PDE4B: variants seen among roughly 807,000 people sequenced by gnomAD.
The protein encoded by PDE4B is 3',5'-cyclic-AMP phosphodiesterase 4B.
A neutral mutation model predicts 82.2 loss-of-function variants in PDE4B; 20 were observed. That is an observed-to-expected ratio of 0.24 (90% CI 0.17 to 0.35). The LOEUF is 0.35. PDE4B is among the 10% of genes least tolerant of loss of function. The pLI, the probability that PDE4B is intolerant of heterozygous loss-of-function variation, is 1.00. For synonymous variants in PDE4B, 320 were observed against 318.9 expected, an observed-to-expected ratio of 1.00 and a Z score of -0.04; for missense variants, 655 against 907.2, an observed-to-expected ratio of 0.72 and a Z score of 3.57.
At chr1:66,168,239 G>T (rs1646773477) in intron 3 of PDE4B, among the ~76,000 whole-genome samples, 1 of 152,066 alleles carries the variant, frequency 6.6e-6, no homozygotes, top group South Asian at 2.1e-4. Context: ...TGACAATAAA[G>T]CAGTGAAAAA....
chr1:65,895,337 G>C lies in PDE4B; in HGVS notation c.-70-17908G>C, dbSNP rs147050377. Among the ~76,000 whole-genome samples the C allele has an allele frequency of 2.2e-4, 34 of 152,116 alleles. No individual in the cohort carries two copies. In the East Asian group the frequency reaches 5.6e-3, roughly 25 times the overall value. On this transcript the variant is annotated intron_variant, in intron 1 of 16. Coordinates refer to ENST00000341517, the MANE Select transcript of PDE4B (RefSeq NM_002600.4). ...GGCCGAAACAGGTGAATCACCTGAGGTCAGGAGTTCAAGATCAGCTTGGCC... is the reference window on the plus strand; with the variant it reads ...GGCCGAAACAGGTGAATCACCTGAGCTCAGGAGTTCAAGATCAGCTTGGCC...
At chr1:65,989,373 C>A (rs547295490) in intron 3 of PDE4B, among the ~76,000 whole-genome samples, 1 of 151,998 alleles carries the variant, frequency 6.6e-6, no homozygotes, top group South Asian at 2.1e-4. Flanking sequence ...TGGTGGTGGG[C>A]GCCTGTAATC....
chr1:66,176,779 A>G (rs149989345), intron 3 of PDE4B, among the ~76,000 whole-genome samples: 1,525 of 152,334 alleles, frequency 0.01, 30 homozygotes, highest in African/African-American at 0.034. Context: ...TGGTATGCAA[A>G]GAAACATCCT....
chr1:65,835,412 T>C (rs988672568), intron 1 of PDE4B, among the ~76,000 whole-genome samples: 3 of 152,176 alleles, frequency 2.0e-5, no homozygotes, highest in African/African-American at 7.2e-5. Flanking sequence ...GGAGTCCTGA[T>C]TTTATAAGCA....
Position 66,124,092 on chromosome 1 carries a change from A to C in PDE4B, c.282-123368A>C, listed in dbSNP as rs1232428143. Among the ~76,000 whole-genome samples, 4 of 152,188 alleles carry C rather than the reference A, an allele frequency of 2.6e-5. No individual in the cohort carries two copies. In the East Asian group the frequency reaches 7.7e-4, roughly 29 times the overall value. On this transcript the variant is annotated intron_variant, in intron 3 of 16. Transcript: ENST00000341517. ...ACTGAAATGTCTGTGTGGTGCCATT[A>C]AGCATTTAATTTTATTTCTCAGGTT...
At chr1:65,965,352 C>G (rs1402772344) in intron 3 of PDE4B, among the ~76,000 whole-genome samples, 1 of 152,006 alleles carries the variant, frequency 6.6e-6, no homozygotes, top group Non-Finnish European at 1.5e-5. Context: ...GTGCAGGATC[C>G]TATTCTCAAA....
At chr1:66,273,073 C>T (rs12119040) in intron 7 of PDE4B, among the ~76,000 whole-genome samples, 62,599 of 151,834 alleles carry the variant, frequency 0.41, 15,210 homozygotes, top group Non-Finnish European at 0.55. Flanking sequence ...TCTTATAAAC[C>T]CCAGTTATGG....
intron 1 of PDE4B, among the ~76,000 whole-genome samples, chr1:65,865,192 C>G (rs530492152): frequency 6.6e-6 from 1 of 152,294 alleles, no homozygotes; most frequent in Non-Finnish European, 1.5e-5. Flanking sequence ...GGGAAAACCG[C>G]CTACTCAAGC....
chr1:65,794,826 T>A (rs995965474), intron 1 of PDE4B, among the ~76,000 whole-genome samples: 1 of 152,230 alleles, frequency 6.6e-6, no homozygotes, highest in Admixed American at 6.5e-5. Context: ...TATCTATATA[T>A]CTATCATCTT....
chr1:66,211,516 A>T (rs943940823), intron 3 of PDE4B, among the ~76,000 whole-genome samples: 1 of 152,228 alleles, frequency 6.6e-6, no homozygotes, highest in African/African-American at 2.4e-5. Context: ...TATCTAAGGC[A>T]AATTAAATAA....
chr1:66,237,366 C>T (rs1015182600), intron 3 of PDE4B, among the ~76,000 whole-genome samples: 1 of 152,174 alleles, frequency 6.6e-6, no homozygotes, highest in Admixed American at 6.5e-5. Flanking sequence ...ATTCCTTCCA[C>T]GTCTCTACCT....
chr1:66,236,198 G>C (rs988344920), intron 3 of PDE4B, among the ~76,000 whole-genome samples: 14 of 151,462 alleles, frequency 9.2e-5, no homozygotes, highest in Admixed American at 9.2e-4. Flanking sequence ...AATTTTAATA[G>C]TTACTTTAGG....
chr1:65,876,675 T>C (rs376301175), intron 1 of PDE4B, among the ~76,000 whole-genome samples: 14 of 152,266 alleles, frequency 9.2e-5, no homozygotes, highest in African/African-American at 3.1e-4. Flanking sequence ...TATGACACAT[T>C]GTATGTATAT....
chr1:66,128,759 A>C (rs190336797), intron 3 of PDE4B, among the ~76,000 whole-genome samples: 86 of 152,350 alleles, frequency 5.6e-4, no homozygotes, highest in East Asian at 4.4e-3. Context: ...GAGGTCTCAC[A>C]ATCATGGCAG....
chr1:65,810,526 C>G lies in PDE4B; in HGVS notation c.-71+17278C>G, dbSNP rs1023339730. Among the ~76,000 whole-genome samples the G allele has an allele frequency of 3.1e-4, 47 of 152,092 alleles. 1 individual carries two copies. The highest frequency in any genetic ancestry group is 1.1e-3 in the African/African-American group (47 of 41,438). On this transcript the variant is annotated intron_variant, in intron 1 of 16. Coordinates refer to ENST00000341517, the MANE Select transcript of PDE4B (RefSeq NM_002600.4). ...CTTTTTCTAGTGCCTGCTTAAGACT[C>G]AGTATGTTAAAACTTTAAAAATATT...
chr1:66,294,781 A>G (rs552765794), intron 7 of PDE4B, among the ~76,000 whole-genome samples: 1 of 152,304 alleles, frequency 6.6e-6, no homozygotes, highest in South Asian at 2.1e-4. Flanking sequence ...TAAGAGACTG[A>G]CTACATTAAA....
At chr1:66,187,095 T>C (rs1334427213) in intron 3 of PDE4B, among the ~76,000 whole-genome samples, 9 of 152,232 alleles carry the variant, frequency 5.9e-5, no homozygotes, top group Admixed American at 5.9e-4. Flanking sequence ...GATAATCATG[T>C]AGTTTTGGTC....
At chr1:66,205,690 A>T (rs1649488793) in intron 3 of PDE4B, among the ~76,000 whole-genome samples, 1 of 152,250 alleles carries the variant, frequency 6.6e-6, no homozygotes, top group Admixed American at 6.5e-5. Flanking sequence ...CCATTTGATC[A>T]TGCCAACAAT....
intron 3 of PDE4B, among the ~76,000 whole-genome samples, chr1:65,929,558 T>C (rs1647713769): frequency 6.6e-6 from 1 of 152,166 alleles, no homozygotes; most frequent in Admixed American, 6.5e-5. Context: ...CTATAGGAAA[T>C]AAGACTTTCA....
Sources: allele counts gnomAD v4.1 joint callset (sites outside exome capture counted in the v4.1 genomes callset), GRCh38; gene constraint gnomAD v4.1.1; transcripts MANE v1.5; gene names NCBI Gene and HGNC (gene_info 2026-07-23, HGNC 2026-07-21).